EFHB: variants seen among roughly 807,000 people sequenced by gnomAD.
EFHB encodes EF-hand domain-containing family member B.
EFHB carries 91 observed loss-of-function variants against 87.2 expected under a neutral mutation model. The ratio of observed to expected loss-of-function variants is 1.04; its 90% CI spans 0.88 to 1.24. The LOEUF is 1.24. Ranked by LOEUF, EFHB falls within the 50% of genes most tolerant of loss-of-function variation. The probability of loss-of-function intolerance (pLI) is 0.00; values close to 1 mark genes in which losing one functional copy is unlikely to be tolerated. For synonymous variants in EFHB, 325 were observed against 333.6 expected (o/e 0.97, Z 0.28); for missense variants, 1,084 against 998.8 (o/e 1.09, Z -1.15).
intron 11 of EFHB, among the ~76,000 whole-genome samples, chr3:19,883,477 G>A (rs1395041998): frequency 6.6e-6 from 1 of 152,034 alleles, no homozygotes; most frequent in African/African-American, 2.4e-5. Context: ...TTATTCCAAG[G>A]ATGTGATCTT....
chr3:19,909,954 G>A (rs544650808), intron 5 of EFHB, among the ~76,000 whole-genome samples: 5 of 152,004 alleles, frequency 3.3e-5, no homozygotes, highest in Admixed American at 2.0e-4. Context: ...GTTATTCAGG[G>A]CCCAGGTAGT....
At chr3:19,890,293 C>T (rs1310503439) in intron 9 of EFHB, among the ~76,000 whole-genome samples, 1 of 152,172 alleles carries the variant, frequency 6.6e-6, no homozygotes, top group Non-Finnish European at 1.5e-5. Flanking sequence ...GCCCTGATCT[C>T]ATCCGCTTTA....
At chr3:19,915,630 T>C (rs1695202933) in intron 4 of EFHB, among the ~76,000 whole-genome samples, 1 of 151,982 alleles carries the variant, frequency 6.6e-6, no homozygotes, top group Non-Finnish European at 1.5e-5. Flanking sequence ...TAGAACTCTA[T>C]TATCACTGGC....
chr3:19,921,047 G>A (rs766860400), intron 1 of EFHB, among the ~76,000 whole-genome samples: 12 of 151,980 alleles, frequency 7.9e-5, no homozygotes, highest in Non-Finnish European at 1.6e-4. Context: ...CCTTGCCTCC[G>A]AAAATAAATA....
At chr3:19,901,206 A>T (rs986777058) in intron 6 of EFHB, among the ~76,000 whole-genome samples, 2 of 152,248 alleles carry the variant, frequency 1.3e-5, no homozygotes, top group Non-Finnish European at 2.9e-5. Context: ...AAAATACATT[A>T]AAATGATAAT....
chr3:19,918,420 A>T lies in EFHB; in HGVS notation c.997-8T>A, dbSNP rs1477360962. The T allele has an allele frequency of 1.3e-6, 2 of 1,576,694 alleles. No individual in the cohort carries two copies. Among genetic ancestry groups the T allele is most frequent in the Admixed American group, 3.9e-5 (2 of 51,372 alleles). ...GTTTATCAATGTGTTTGCCTAAAGA[A>T]ATCATACAATGCACAAATATATCAA... is the stretch of plus-strand genomic sequence containing the variant. On this transcript the variant is annotated splice_region_variant and splice_polypyrimidine_tract_variant and intron_variant, in intron 3 of 12. Coordinates refer to ENST00000295824, the MANE Select transcript of EFHB (RefSeq NM_144715.4).
intron 1 of EFHB, among the ~76,000 whole-genome samples, chr3:19,939,955 G>A (rs547022388): frequency 6.6e-6 from 1 of 152,156 alleles, no homozygotes; most frequent in Non-Finnish European, 1.5e-5. Flanking sequence ...TCCTCTACAG[G>A]AGTTTAAGGC....
At chr3:19,929,874 GT>G (rs1332161736) in intron 1 of EFHB, among the ~76,000 whole-genome samples, 1 of 152,114 alleles carries the variant, frequency 6.6e-6, no homozygotes, top group Non-Finnish European at 1.5e-5. Context: ...TTGGATAAAA[GT>G]GTCATAAAAA....
chr3:19,892,150 G>A lies in EFHB; in HGVS notation c.1726-3499C>T, dbSNP rs766815491. The stretch of plus-strand genomic sequence containing the variant: ...AAAGTTAAGTTAATCTGGGTTGTGC[G>A]TTTTGCTTTCTGGAACATTTTCAGT... On this transcript the variant is annotated intron_variant, in intron 9 of 12. Transcript: ENST00000295824. Among the ~76,000 whole-genome samples, 10 of 152,256 alleles carry A rather than the reference G, an allele frequency of 6.6e-5. No individual in the cohort carries two copies. In the South Asian group the frequency reaches 8.3e-4, roughly 13 times the overall value.
rs1252003823 is a variant in EFHB, at chr3:19,933,462, A to C, written c.557T>G (p.Ile186Ser). 1.9e-6 allele frequency: 3 copies of C among 1,613,872 alleles called. No homozygotes were observed. The Admixed American group carries it at 5.0e-5, about 27-fold the overall frequency. The change falls in exon 1 of 13, where the codon ATT becomes AGT. Residue 186 changes from isoleucine (I) to serine (S), a missense_variant. Physicochemically the swap from Ile to Ser is moderately radical, Grantham distance 142. Transcript: ENST00000295824. ...AATGTCCACCTCCACAGGAAGCTTA[A>C]TCTCTGTGTTGGGTTTCATTAAAAC... The part of the protein sequence containing the change: ...TCVLMKPNTE[I>S]KLPVEVDIGL...
intron 10 of EFHB, 37 bp from the exon 11 acceptor site, chr3:19,884,652 T>C: frequency 6.3e-7 from 1 of 1,579,270 alleles, no homozygotes; most frequent in Non-Finnish European, 8.7e-7. Flanking sequence ...AATGCAGGAA[T>C]ACATTACTAC....
intron 1 of EFHB, among the ~76,000 whole-genome samples, chr3:19,927,584 C>T (rs1695675277): frequency 6.6e-6 from 1 of 152,174 alleles, no homozygotes; most frequent in South Asian, 2.1e-4. Context: ...GGTGTATCTG[C>T]TCTTCCTCGC....
intron 9 of EFHB, chr3:19,896,468 G>C (rs2125128278): frequency 1.6e-6 from 1 of 638,908 alleles, no homozygotes; most frequent in Middle Eastern, 4.2e-4. Context: ...TACAGTTTTT[G>C]TTGCTACTAC....
chr3:19,915,412 T>C lies in EFHB; in HGVS notation c.1179A>G (p.Glu393=), dbSNP rs1214692414. 1 of 1,592,286 alleles carries C rather than the reference T, an allele frequency of 6.3e-7. No homozygotes were observed. Among genetic ancestry groups the C allele is most frequent in the Admixed American group, 1.7e-5 (1 of 58,066 alleles). ...GATTCACCACATCTTTAGCAGAGTA[T>C]TCTGAAGGAAGAATTAATAAAATCA... ...NTTFGTAVIK[E]YSAKDVVNPP... The change falls in exon 5 of 13, where the codon GAA becomes GAG. Residue 393 remains glutamate (E), a splice_region_variant and synonymous_variant. Coordinates refer to ENST00000295824, the MANE Select transcript of EFHB (RefSeq NM_144715.4).
chr3:19,915,289 C>G lies in EFHB; in HGVS notation c.1288+14G>C. 6.3e-7 allele frequency: 1 copy of G among 1,575,268 alleles called. No individual in the cohort carries two copies. The highest frequency in any genetic ancestry group is 8.7e-7 in the Non-Finnish European group (1 of 1,148,868). ...CCATATCCTCAGGCCCATTTTGCAT[C>G]GGAGGACACTTACCTGCATAATAAT... On this transcript the variant is annotated intron_variant, in intron 5 of 12. Coordinates refer to ENST00000295824, the MANE Select transcript of EFHB (RefSeq NM_144715.4).
chr3:19,883,646 T>G (rs748993788), intron 11 of EFHB, among the ~76,000 whole-genome samples: 4 of 152,140 alleles, frequency 2.6e-5, no homozygotes, highest in African/African-American at 7.2e-5. Context: ...TAAGGTCTTT[T>G]CAGGTATAAT....
chr3:19,931,974 T>G (rs1246198845), intron 1 of EFHB, among the ~76,000 whole-genome samples: 1 of 152,194 alleles, frequency 6.6e-6, no homozygotes, highest in East Asian at 1.9e-4. Context: ...TATTACCAAG[T>G]GTTTCCCTGG....
intron 5 of EFHB, among the ~76,000 whole-genome samples, chr3:19,912,307 C>T (rs2125143765): frequency 6.6e-6 from 1 of 152,088 alleles, no homozygotes; most frequent in South Asian, 2.1e-4. Context: ...ATTTAAAGTG[C>T]TGAAGAGAAG....
At chr3:19,896,487 G>T in intron 9 of EFHB, 200 bp downstream of exon 9, 1 of 724,676 alleles carries the variant, frequency 1.4e-6, no homozygotes, top group Non-Finnish European at 2.4e-6. Context: ...ACCTAACTCT[G>T]TATTCATACT....
Sources: allele counts gnomAD v4.1 joint callset (sites outside exome capture counted in the v4.1 genomes callset), GRCh38; gene constraint gnomAD v4.1.1; transcripts MANE v1.5; gene names NCBI Gene and HGNC (gene_info 2026-07-23, HGNC 2026-07-21).